ZNF79: variants seen among roughly 807,000 people sequenced by gnomAD.
The protein encoded by ZNF79 is zinc finger protein 79, also known as ZNFpT7.
A neutral mutation model predicts 14.9 loss-of-function variants in ZNF79; 13 were observed. The ratio of observed to expected loss-of-function variants is 0.87; its 90% CI spans 0.57 to 1.38. The LOEUF (loss-of-function observed/expected upper bound fraction) is 1.38. Among genes scored for constraint, ZNF79 ranks in the 40% most tolerant of loss-of-function variants. ZNF79 has a pLI of 0.00. For missense variants in ZNF79, 631 were observed against 630.6 expected, an observed-to-expected ratio of 1.00 and a Z score of -0.01; for synonymous variants, 223 against 235.1, an observed-to-expected ratio of 0.95 and a Z score of 0.47.
intron 4 of ZNF79, among the ~76,000 whole-genome samples, chr9:127,441,801 C>T (rs148287701): frequency 0.011 from 1,688 of 151,830 alleles, 101 homozygotes; most frequent in Admixed American, 0.1. Flanking sequence ...AAAAATTAGC[C>T]GGGCGTGGTG....
rs1833717959 is a variant in ZNF79, at chr9:127,424,716, G to A, written c.-72G>A. On this transcript the variant is annotated 5_prime_UTR_variant, in exon 1 of 5. In the 5' UTR this introduces an upstream ATG that the reference lacks. Transcript: ENST00000342483. ...CGTCAGAGCAGCCCTGCAGAACGGG[G>A]TGGGGGCTGCTGTAGATAGACCCTT... 4 of 1,609,656 alleles carry A rather than the reference G, an allele frequency of 2.5e-6. No homozygotes were observed. The highest frequency in any genetic ancestry group is 3.4e-6 in the Non-Finnish European group (4 of 1,177,932).
rs1311021913 is a variant in ZNF79, at chr9:127,442,817, G to A, written c.329-1212G>A. On this transcript the variant is annotated intron_variant, in intron 4 of 4. Coordinates refer to ENST00000342483, the MANE Select transcript of ZNF79 (RefSeq NM_007135.3). Reference sequence around the variant, plus strand: ...GTCGAGGCTGCAGTGAGCCATGATCGTGCCACCATGCTTCAGCCTGGGTGA... The same window carrying A: ...GTCGAGGCTGCAGTGAGCCATGATCATGCCACCATGCTTCAGCCTGGGTGA... Among the ~76,000 whole-genome samples, 6 of 152,226 alleles carry A rather than the reference G, an allele frequency of 3.9e-5. No individual in the cohort carries two copies. The East Asian group carries it at 5.8e-4, about 15-fold the overall frequency.
rs775128456 is a variant in ZNF79 at position 127,435,960 on chromosome 9, C to T, written c.285C>T (p.Gly95=). The T allele has an allele frequency of 1.4e-5, 22 of 1,614,094 alleles. No individual in the cohort carries two copies. In the Admixed American group the frequency reaches 1.8e-4, roughly 13 times the overall value. The stretch of plus-strand genomic sequence containing the variant: ...ACTCCCAGTTGGAACAAAGGGAAGG[C>T]GCATGGATGCTGGAGGGCGAAGACC... ...GMNSQLEQRE[G]AWMLEGEDLR... is the part of the protein sequence containing the mutation. The change falls in exon 4 of 5, where the codon GGC becomes GGT. Residue 95 remains glycine (G), a synonymous_variant. Coordinates refer to ENST00000342483, the MANE Select transcript of ZNF79 (RefSeq NM_007135.3).
intron 3 of ZNF79, among the ~76,000 whole-genome samples, chr9:127,435,683 T>G (rs1833934768): frequency 6.6e-6 from 1 of 152,160 alleles, no homozygotes; most frequent in African/African-American, 2.4e-5. Context: ...AGGAACACAG[T>G]GAGACCCTGC....
rs1262001759 is a variant in ZNF79 at position 127,445,065 on chromosome 9, C to T, written c.1365C>T (p.Asn455=). Residue 455 remains asparagine (N), a synonymous_variant, in exon 5 of 5, where the codon AAC becomes AAT. Transcript: ENST00000342483. ...GTAATGAGTGTGGTAAAGCGTTTAACCAGAGCTCATCCCTTAGTCAGCATC... is the reference window on the plus strand; with the variant it reads ...GTAATGAGTGTGGTAAAGCGTTTAATCAGAGCTCATCCCTTAGTCAGCATC... ...YECNECGKAF[N]QSSSLSQHQR... 4.3e-6 allele frequency: 7 copies of T among 1,613,716 alleles called. No homozygotes were observed. The highest frequency in any genetic ancestry group is 5.1e-6 in the Non-Finnish European group (6 of 1,179,926).
In ZNF79 at chr9:127,444,136, G is replaced by A. The variant is rs1025979350; in HGVS notation, c.436G>A (p.Asp146Asn). The A allele has an allele frequency of 2.5e-6, 4 of 1,613,434 alleles. No individual in the cohort carries two copies. In the African/African-American group the frequency reaches 4.0e-5, roughly 16 times the overall value. Residue 146 changes from aspartate to asparagine, a missense_variant, in exon 5 of 5, where the codon GAC (aspartate) becomes AAC (asparagine). Physicochemically the swap from Asp to Asn is conservative, Grantham distance 23. Transcript: ENST00000342483. ...PPGDSDHGTS[D>N]LEKSFNLRPV... is the part of the protein sequence containing the mutation. ...TGGGGATTCAGACCACGGGACCAGT[G>A]ACCTTGAGAAGAGCTTCAATCTGAG...
At position 127,444,016 on chromosome 9, in the gene ZNF79, A is replaced by AT. The variant is rs142661397; in HGVS notation, c.329-4dup. 1.0e-4 allele frequency: 158 copies of AT among 1,547,950 alleles called. No individual in the cohort carries two copies. The highest frequency in any genetic ancestry group is 4.0e-4 in the Admixed American group (21 of 52,438). ...CACCAAGGGAACACAACAGCTTTTC[A>AT]TTTTTTTTTCAGGCTGGAAGATTAT... On this transcript the variant is annotated splice_polypyrimidine_tract_variant and intron_variant, in intron 4 of 4. Coordinates refer to ENST00000342483, the MANE Select transcript of ZNF79 (RefSeq NM_007135.3).
Position 127,428,812 on chromosome 9 carries a change from G to T in ZNF79, c.17-20G>T, listed in dbSNP as rs369363431. 4 of 1,549,036 alleles carry T rather than the reference G, an allele frequency of 2.6e-6. No individual in the cohort carries two copies. The South Asian group carries it at 4.9e-5, about 19-fold the overall frequency. ...TCATAAACTGCTTTTAACATTATTA[G>T]TTTTTTTCTCTTTCTCTAGTACTGC... On this transcript the variant is annotated intron_variant, in intron 1 of 4. Transcript: ENST00000342483.
chr9:127,444,446 A>T lies in ZNF79; in HGVS notation c.746A>T (p.Tyr249Phe). 6.2e-7 allele frequency: 1 copy of T among 1,609,926 alleles called. No individual in the cohort carries two copies. Among genetic ancestry groups the T allele is most frequent in the Non-Finnish European group, 8.5e-7 (1 of 1,176,524 alleles). ...HQRIHTGEKPYKCSECGRAFS... is the reference protein window; with the variant it reads ...HQRIHTGEKPFKCSECGRAFS... ...AGGATTCACACTGGAGAGAAGCCTT[A>T]CAAGTGCAGTGAATGTGGAAGAGCC... is the stretch of plus-strand genomic sequence containing the variant. The change falls in exon 5 of 5, where the codon TAC (tyrosine) becomes TTC (phenylalanine). Residue 249 changes from tyrosine (Y) to phenylalanine (F), a missense_variant. By Grantham distance (22) the Tyr-to-Phe change is conservative (BLOSUM62 3). Coordinates refer to ENST00000342483, the MANE Select transcript of ZNF79 (RefSeq NM_007135.3).
intron 2 of ZNF79, among the ~76,000 whole-genome samples, chr9:127,434,520 A>T (rs1833912253): frequency 6.6e-6 from 1 of 152,192 alleles, no homozygotes; most frequent in Admixed American, 6.5e-5. Flanking sequence ...CTTCACACGC[A>T]TACACACGCT....
At chr9:127,425,052 T>C (rs1332485650) in intron 1 of ZNF79, 1 of 952,546 alleles carries the variant, frequency 1.0e-6, no homozygotes, top group African/African-American at 1.7e-5. Flanking sequence ...GCGTGATTTC[T>C]GAGTATTGTA....
chr9:127,433,709 T>C (rs536412437), intron 2 of ZNF79, among the ~76,000 whole-genome samples: 1 of 152,306 alleles, frequency 6.6e-6, no homozygotes, highest in East Asian at 1.9e-4. Context: ...TATGGCCACC[T>C]TAAACTCTGT....
At chr9:127,441,715 G>A (rs938994547) in intron 4 of ZNF79, among the ~76,000 whole-genome samples, 2 of 152,144 alleles carry the variant, frequency 1.3e-5, no homozygotes, top group African/African-American at 4.8e-5. Flanking sequence ...GGAGGCCGAG[G>A]CAGGCAGATC....
intron 4 of ZNF79, among the ~76,000 whole-genome samples, chr9:127,442,149 C>T (rs1179182623): frequency 4.6e-5 from 7 of 151,066 alleles, no homozygotes; most frequent in African/African-American, 1.2e-4. Flanking sequence ...GCCTGTATTT[C>T]CAGCACTTTG....
At chr9:127,437,035 G>A (rs921845477) in intron 4 of ZNF79, among the ~76,000 whole-genome samples, 6 of 149,992 alleles carry the variant, frequency 4.0e-5, no homozygotes, top group Non-Finnish European at 8.9e-5. Context: ...ACTCCAGCCT[G>A]GGTGACAAGA....
chr9:127,426,845 C>G (rs183948180), intron 1 of ZNF79, among the ~76,000 whole-genome samples: 1 of 152,268 alleles, frequency 6.6e-6, no homozygotes, highest in Admixed American at 6.5e-5. Flanking sequence ...TCATACAACC[C>G]TCTTTGACTT....
chr9:127,428,950 C>T, intron 2 of ZNF79, 30 bp downstream of exon 2: 1 of 1,459,136 alleles, frequency 6.9e-7, no homozygotes, highest in South Asian at 1.3e-5. Flanking sequence ...TGGAAGGCAT[C>T]CTTTTCTTCC....
intron 1 of ZNF79, 152 bp downstream of exon 1, chr9:127,424,955 C>T (rs1833724284): frequency 6.6e-7 from 1 of 1,507,180 alleles, no homozygotes; most frequent in Non-Finnish European, 8.9e-7. Flanking sequence ...CATGACACAG[C>T]CCCAGGAGAT....
At chr9:127,426,691 G>A (rs113096930) in intron 1 of ZNF79, among the ~76,000 whole-genome samples, 5 of 152,292 alleles carry the variant, frequency 3.3e-5, no homozygotes, top group East Asian at 1.9e-4. Context: ...TATAGCATGC[G>A]TCAGTACTTC....
Sources: allele counts gnomAD v4.1 joint callset (sites outside exome capture counted in the v4.1 genomes callset), GRCh38; gene constraint gnomAD v4.1.1; transcripts MANE v1.5; gene names NCBI Gene and HGNC (gene_info 2026-07-23, HGNC 2026-07-21).